The following GSTM5 variants were observed in gnomAD, a reference collection of about 807,000 sequenced individuals.
GSTM5 encodes the protein glutathione S-transferase mu 5, also known as GST class-mu 5.
GSTM5 carries 24 observed loss-of-function variants against 29.0 expected under a neutral mutation model. The ratio of observed to expected loss-of-function variants is 0.83; its 90% CI spans 0.60 to 1.16. GSTM5 has a LOEUF of 1.16. Among genes scored for constraint, GSTM5 ranks in the 50% most tolerant of loss-of-function variants. The pLI is 0.00. For missense variants in GSTM5, 290 were observed against 263.0 expected, an observed-to-expected ratio of 1.10 and a Z score of -0.71; for synonymous variants, 91 against 93.6, an observed-to-expected ratio of 0.97 and a Z score of 0.16.
At chr1:109,713,611 C>T (rs767826963) in intron 4 of GSTM5, 46 bp downstream of exon 4, 17 of 1,614,028 alleles carry the variant, frequency 1.1e-5, no homozygotes, top group Non-Finnish European at 1.4e-5. Flanking sequence ...TGACCTCCTC[C>T]TTGGCTGGGC....
At chr1:109,712,794 T>C in intron 2 of GSTM5, 101 bp downstream of exon 2, 1 of 1,323,684 alleles carries the variant, frequency 7.6e-7, no homozygotes. Flanking sequence ...CCTCCCCTGC[T>C]GGAGCTGCAG....
At chr1:109,712,969 T>A in intron 2 of GSTM5, 150 bp from the exon 3 acceptor site, 1 of 1,008,018 alleles carries the variant, frequency 9.9e-7, no homozygotes, top group South Asian at 1.4e-5. Context: ...TCAGTGGGAT[T>A]CTTTCTCCCT....
rs1397383032 is a variant in GSTM5 at position 109,713,123 on chromosome 1, T to C, written c.117T>C (p.Pro39=). The change falls in exon 3 of 8, where the codon CCT becomes CCC. Residue 39 remains proline, a synonymous_variant. Coordinates refer to ENST00000256593, the MANE Select transcript of GSTM5 (RefSeq NM_000851.4). ...TTCACTTCTTCCCCACCACAGCTCC[T>C]GACTATGACAGAAGCCAGTGGCTGA... ...VEKKYTLGDA[P]DYDRSQWLNE... is the part of the protein sequence containing the mutation. 1.1e-5 allele frequency: 17 copies of C among 1,612,460 alleles called. No individual in the cohort carries two copies. The highest frequency in any genetic ancestry group is 1.4e-5 in the Non-Finnish European group (16 of 1,179,874).
chr1:109,712,527 C>T lies in GSTM5; in HGVS notation c.37-91C>T, dbSNP rs1648590056. 8 of 1,459,540 alleles carry T rather than the reference C, an allele frequency of 5.5e-6. No individual in the cohort carries two copies. In the East Asian group the frequency reaches 9.1e-5, roughly 17 times the overall value. The allele number at this position is 1,459,540 out of a possible 1,614,324, so 90.4% of individuals were successfully genotyped here. On this transcript the variant is annotated intron_variant, in intron 1 of 7. Coordinates refer to ENST00000256593, the MANE Select transcript of GSTM5 (RefSeq NM_000851.4). ...GGGTAGAGGAGGCGACGGGTACGTG[C>T]AGTATAGACTAGGGGCTGGCCTGGT...
At position 109,713,143 on chromosome 1, in the gene GSTM5, G is replaced by A; in HGVS notation, c.137G>A (p.Trp46Ter). The A allele has an allele frequency of 6.2e-7, 1 of 1,612,620 alleles. No homozygotes were observed. The highest frequency in any genetic ancestry group is 8.5e-7 in the Non-Finnish European group (1 of 1,179,876). The change falls in exon 3 of 8, where the codon TGG (tryptophan) becomes TAG (stop). Residue 46 changes from tryptophan to a stop codon, truncating the protein, a stop_gained. Coordinates refer to ENST00000256593, the MANE Select transcript of GSTM5 (RefSeq NM_000851.4). LOFTEE classifies it high-confidence loss of function. ...GCTCCTGACTATGACAGAAGCCAGTGGCTGAATGAAAAATTCAAGCTGGGC... is the reference window on the plus strand; with the variant it reads ...GCTCCTGACTATGACAGAAGCCAGTAGCTGAATGAAAAATTCAAGCTGGGC... ...GDAPDYDRSQ[W>*]LNEKFKLGLD...
At position 109,717,427 on chromosome 1, in the gene GSTM5, G is replaced by T; in HGVS notation, c.*1G>T. 6.2e-7 allele frequency: 1 copy of T among 1,611,104 alleles called. No homozygotes were observed. On this transcript the variant is annotated 3_prime_UTR_variant, in exon 8 of 8. Transcript: ENST00000256593. ...GTCAGCTACATGGAACAGCAAATAGGGCCCAGTGATGCCAGAAGATGGGAG... is the reference window on the plus strand; with the variant it reads ...GTCAGCTACATGGAACAGCAAATAGTGCCCAGTGATGCCAGAAGATGGGAG...
intron 2 of GSTM5, 62 bp downstream of exon 2, chr1:109,712,755 T>C: frequency 7.6e-6 from 12 of 1,583,808 alleles, no homozygotes; most frequent in East Asian, 2.2e-5. Context: ...AAGCAACCCA[T>C]GGTGGCCACC....
intron 1 of GSTM5, 121 bp from the exon 2 acceptor site, chr1:109,712,495 TGG>T: frequency 9.9e-6 from 6 of 607,238 alleles, no homozygotes. Context: ...TGTTTGGGGG[TGG>T]GGGCGGGTAG....
upstream of GSTM5, chr1:109,712,109 C>A: frequency 1.6e-6 from 1 of 616,508 alleles, no homozygotes; most frequent in Non-Finnish European, 2.9e-6. Context: ...GCTCCCGGAA[C>A]CCTGGGGACT....
At chr1:109,717,279 G>A (rs1648782738) in intron 7 of GSTM5, 58 bp from the exon 8 acceptor site, 8 of 1,332,948 alleles carry the variant, frequency 6.0e-6, no homozygotes, top group Admixed American at 1.7e-5. Flanking sequence ...CTGCAGCAAA[G>A]CTACTTGAGC....
chr1:109,712,632 C>T lies in GSTM5; in HGVS notation c.51C>T (p.Ile17=), dbSNP rs1353004573. Residue 17 remains isoleucine (I), a synonymous_variant, in exon 2 of 8, where the codon ATC becomes ATT. Transcript: ENST00000256593. ...ATCTCTCCCAGCTGGCCCACGCCAT[C>T]CGCTTGCTCCTGGAATACACAGACT... ...YWDIRGLAHA[I]RLLLEYTDSS... is the part of the protein sequence containing the mutation. 6.2e-7 allele frequency: 1 copy of T among 1,614,174 alleles called. No homozygotes were observed. The highest frequency in any genetic ancestry group is 1.1e-5 in the South Asian group (1 of 91,082).
chr1:109,717,100 C>T, intron 7 of GSTM5: 1 of 399,000 alleles, frequency 2.5e-6, no homozygotes, highest in East Asian at 4.7e-5. Flanking sequence ...ATAAAGCACC[C>T]AGCACAGTGT....
intron 2 of GSTM5, 194 bp from the exon 3 acceptor site, chr1:109,712,925 C>G: frequency 3.5e-6 from 3 of 867,106 alleles, no homozygotes; most frequent in South Asian, 3.0e-5. Flanking sequence ...TCCCTAAACC[C>G]TGGAAGCCTT....
At chr1:109,714,283 T>A (rs1340601070) in intron 5 of GSTM5, 3 of 160,770 alleles carry the variant, frequency 1.9e-5, no homozygotes, top group African/African-American at 7.2e-5. Flanking sequence ...TCCTCTGGCC[T>A]CTGGCCTCTG....
intron 5 of GSTM5, chr1:109,714,243 G>A (rs770455956): frequency 2.5e-5 from 4 of 160,574 alleles, no homozygotes; most frequent in Non-Finnish European, 5.4e-5. Context: ...TTCCTAGATG[G>A]TAAAATTTGT....
At chr1:109,712,906 C>T (rs1395001792) in intron 2 of GSTM5, 1 of 846,966 alleles carries the variant, frequency 1.2e-6, no homozygotes. Flanking sequence ...TTGGGTGTCC[C>T]TCAGAGCTTC....
chr1:109,713,002 G>A, intron 2 of GSTM5, 117 bp from the exon 3 acceptor site: 1 of 1,168,948 alleles, frequency 8.6e-7, no homozygotes, highest in Admixed American at 1.9e-5. Context: ...GTGGGACTGA[G>A]TGGTCAGATT....
chr1:109,717,946 G>GGT lies in GSTM5; in HGVS notation c.*537_*538dup, dbSNP rs139797477. 7,765 of 153,178 alleles carry GGT rather than the reference G, an allele frequency of 0.051. 253 individuals are homozygous for GGT. Among genetic ancestry groups the GGT allele is most frequent in the Middle Eastern group, 0.1 (30 of 290 alleles). 9.5% of individuals were successfully genotyped at this position (153,178 alleles called of 1,614,324 possible). A position where few individuals can be genotyped will look rare whatever the true frequency, so the allele number is the denominator to read the frequency against. ...GTCCACAGCCAGAGCTTAGTGGATGGGTGTGTGTGTGTGTGTGTTGGGGGT... is the reference window on the plus strand; with the variant it reads ...GTCCACAGCCAGAGCTTAGTGGATGGGTGTGTGTGTGTGTGTGTGTTGGGGGT... On this transcript the variant is annotated 3_prime_UTR_variant, in exon 8 of 8. Transcript: ENST00000256593.
Position 109,717,049 on chromosome 1 carries a change from C to T in GSTM5, c.568-288C>T, listed in dbSNP as rs11101990. 1,840 of 265,468 alleles carry T rather than the reference C, an allele frequency of 6.9e-3. 43 individuals are homozygous for T. Among genetic ancestry groups the T allele is most frequent in the African/African-American group, 0.037 (1,660 of 45,120 alleles). The allele number at this position is 265,468 out of a possible 1,614,324, so 16.4% of individuals were successfully genotyped here. A position where few individuals can be genotyped will look rare whatever the true frequency, so the allele number is the denominator to read the frequency against. ...AATAGAACTGACCATGGAGGGTAGT[C>T]GAGTGGATTTTCTAAGCCTGTGTTG... On this transcript the variant is annotated intron_variant, in intron 7 of 7. Transcript: ENST00000256593.
Sources: allele counts gnomAD v4.1 joint callset, GRCh38; gene constraint gnomAD v4.1.1; transcripts MANE v1.5; gene names NCBI Gene and HGNC (gene_info 2026-07-23, HGNC 2026-07-21).